The following CSMD3 variants were observed in gnomAD, a reference collection of about 807,000 sequenced individuals.
The protein encoded by CSMD3 is CUB and sushi domain-containing protein 3.
A neutral mutation model predicts 435.2 loss-of-function variants in CSMD3; 177 were observed. That is an observed-to-expected ratio of 0.41 (90% CI 0.36 to 0.46). The LOEUF (loss-of-function observed/expected upper bound fraction) is 0.46. CSMD3 is among the 20% of genes least tolerant of loss of function. The probability of loss-of-function intolerance (pLI) is 0.34; values close to 1 mark genes in which losing one functional copy is unlikely to be tolerated. For missense variants in CSMD3, 4,265 were observed against 4,504.6 expected (o/e 0.95, Z 1.52); for synonymous variants, 1,656 against 1,520.5 (o/e 1.09, Z -2.07).
chr8:112,942,708 T>C (rs923011922), intron 9 of CSMD3, among the ~76,000 whole-genome samples: 7 of 151,586 alleles, frequency 4.6e-5, no homozygotes, highest in Non-Finnish European at 1.0e-4. Context: ...TGGGGCCTAC[T>C]TGAGGTTGGA....
At chr8:113,367,999 C>T (rs188449481) in intron 1 of CSMD3, among the ~76,000 whole-genome samples, 1 of 152,134 alleles carries the variant, frequency 6.6e-6, no homozygotes, top group Admixed American at 6.6e-5. Flanking sequence ...CCTATTGCTA[C>T]CTGCTGATTT....
intron 9 of CSMD3, among the ~76,000 whole-genome samples, chr8:112,942,895 A>T (rs2083495186): frequency 6.6e-6 from 1 of 151,764 alleles, no homozygotes; most frequent in South Asian, 2.1e-4. Flanking sequence ...TAAATTAAAA[A>T]ACTGTCAGAA....
intron 38 of CSMD3, among the ~76,000 whole-genome samples, chr8:112,374,123 C>T (rs1273044686): frequency 1.3e-5 from 2 of 152,026 alleles, no homozygotes; most frequent in African/African-American, 2.4e-5. Flanking sequence ...ACCATTCTCC[C>T]GAATTTAAAC....
intron 14 of CSMD3, among the ~76,000 whole-genome samples, chr8:112,689,407 AT>A (rs2076083471): frequency 1.3e-5 from 2 of 152,054 alleles, no homozygotes; most frequent in African/African-American, 4.8e-5. Context: ...TGTATGCAAT[AT>A]AAAAAAATGG....
intron 5 of CSMD3, chr8:113,098,549 G>A: frequency 1.7e-6 from 1 of 571,550 alleles, no homozygotes; most frequent in East Asian, 2.9e-5. Context: ...ACTTTTATTT[G>A]TTTATACAAG....
intron 32 of CSMD3, among the ~76,000 whole-genome samples, chr8:112,462,232 G>C (rs1391692745): frequency 6.6e-6 from 1 of 152,152 alleles, no homozygotes; most frequent in Non-Finnish European, 1.5e-5. Flanking sequence ...GCAGCTTTAT[G>C]CCACCTGGTA....
chr8:113,352,155 G>T (rs1296758582), intron 1 of CSMD3, among the ~76,000 whole-genome samples: 1 of 151,994 alleles, frequency 6.6e-6, no homozygotes, highest in Non-Finnish European at 1.5e-5. Flanking sequence ...ACCCCAAAAG[G>T]TAACCTTATT....
chr8:113,158,634 A>T (rs1349730073), intron 4 of CSMD3, among the ~76,000 whole-genome samples: 1 of 152,016 alleles, frequency 6.6e-6, no homozygotes, highest in African/African-American at 2.4e-5. Context: ...AAACTTACAG[A>T]TCTTTTTAAC....
At chr8:113,272,576 G>T (rs1031985065) in intron 3 of CSMD3, among the ~76,000 whole-genome samples, 58 of 152,152 alleles carry the variant, frequency 3.8e-4, no homozygotes, top group Non-Finnish European at 4.3e-4. Context: ...TAAGAAATGT[G>T]TTTTGCCTTC....
intron 22 of CSMD3, among the ~76,000 whole-genome samples, chr8:112,632,889 C>CAGATAT (rs1255670996): frequency 2.0e-5 from 3 of 151,642 alleles, no homozygotes; most frequent in Non-Finnish European, 4.4e-5. Context: ...AACAAGTGAT[C>CAGATAT]AGATATTCAT....
intron 5 of CSMD3, among the ~76,000 whole-genome samples, chr8:113,049,023 G>C (rs1409530327): frequency 1.3e-5 from 2 of 152,132 alleles, no homozygotes; most frequent in Non-Finnish European, 2.9e-5. Context: ...CAGATCACTT[G>C]AGGTCAAGAG....
intron 24 of CSMD3, among the ~76,000 whole-genome samples, chr8:112,558,249 C>G (rs747209198): frequency 6.6e-6 from 1 of 151,744 alleles, no homozygotes. Flanking sequence ...ACCTCTCCCC[C>G]AAAGCGAGCC....
chr8:112,285,893 G>T (rs2111427), intron 58 of CSMD3, among the ~76,000 whole-genome samples: 1 of 151,508 alleles, frequency 6.6e-6, no homozygotes, highest in African/African-American at 2.4e-5. Flanking sequence ...TAATTTTTAA[G>T]ATTTTTGTAG....
intron 5 of CSMD3, among the ~76,000 whole-genome samples, chr8:113,079,342 T>C (rs1413547847): frequency 6.6e-6 from 1 of 152,154 alleles, no homozygotes; most frequent in Non-Finnish European, 1.5e-5. Flanking sequence ...CATTAATACT[T>C]CTACCAAAGA....
At chr8:113,286,203 T>A (rs2093645468) in intron 2 of CSMD3, among the ~76,000 whole-genome samples, 3 of 152,176 alleles carry the variant, frequency 2.0e-5, no homozygotes, top group South Asian at 4.1e-4. Flanking sequence ...GAACATGTGA[T>A]CCTGTCTCTT....
chr8:113,046,394 A>T (rs962730188), intron 5 of CSMD3, among the ~76,000 whole-genome samples: 1 of 149,680 alleles, frequency 6.7e-6, no homozygotes, highest in Admixed American at 6.6e-5. Flanking sequence ...AAAATAAAAA[A>T]ACGCCTTATT....
intron 47 of CSMD3, among the ~76,000 whole-genome samples, chr8:112,317,912 G>A (rs2130855424): frequency 6.6e-6 from 1 of 152,116 alleles, no homozygotes; most frequent in African/African-American, 2.4e-5. Flanking sequence ...ATCCAAAAAA[G>A]CTAGAAAGAA....
intron 11 of CSMD3, among the ~76,000 whole-genome samples, chr8:112,849,099 T>A (rs1349904810): frequency 6.6e-6 from 1 of 152,172 alleles, no homozygotes; most frequent in Non-Finnish European, 1.5e-5. Flanking sequence ...ATTTTATTTC[T>A]TCCGACAATT....
intron 6 of CSMD3, among the ~76,000 whole-genome samples, chr8:112,989,452 A>C (rs976783388): frequency 6.6e-6 from 1 of 152,016 alleles, no homozygotes; most frequent in Non-Finnish European, 1.5e-5. Context: ...TCATTCAATG[A>C]ATACTACATA....
Sources: allele counts gnomAD v4.1 joint callset (sites outside exome capture counted in the v4.1 genomes callset), GRCh38; gene constraint gnomAD v4.1.1; transcripts MANE v1.5; gene names NCBI Gene and HGNC (gene_info 2026-07-23, HGNC 2026-07-21).